USP37: variants seen among roughly 807,000 people sequenced by gnomAD.
The protein encoded by USP37 is ubiquitin specific peptidase 37, also known as ubiquitin carboxyl-terminal hydrolase 37.
Under a neutral mutation model 124.0 loss-of-function variants are expected in USP37, and 27 were observed. The ratio of observed to expected loss-of-function variants is 0.22; its 90% CI spans 0.16 to 0.30. The LOEUF is 0.30. Among genes scored for constraint, USP37 ranks in the 10% least tolerant of loss-of-function variants. USP37 has a pLI of 1.00. For synonymous variants in USP37, 365 were observed against 388.0 expected (o/e 0.94, Z 0.70); for missense variants, 889 against 1,140.4 (o/e 0.78, Z 3.17).
Position 218,454,717 on chromosome 2 carries a change from A to G in USP37, c.*213T>C. The G allele has an allele frequency of 1.1e-6, 1 of 910,912 alleles. No homozygotes were observed. Among genetic ancestry groups the G allele is most frequent in the South Asian group, 2.1e-5 (1 of 48,706 alleles). 56.4% of individuals were successfully genotyped at this position (910,912 alleles called of 1,614,324 possible). ...AAGAAGTGCCACTCATAGGAGAAAA[A>G]GAGGATAATCAGCTACGGATGTGAG... On this transcript the variant is annotated 3_prime_UTR_variant, in exon 26 of 26. Coordinates refer to ENST00000258399, the MANE Select transcript of USP37 (RefSeq NM_020935.3).
At chr2:218,460,091 CAAAAA>C (rs55945023) in intron 22 of USP37, among the ~76,000 whole-genome samples, 186 bp from the exon 23 acceptor site, 5 of 118,064 alleles carry the variant, frequency 4.2e-5, no homozygotes, top group South Asian at 2.8e-4. Context: ...ACTAAAAATA[CAAAAA>C]AAAAAAAAAA....
At position 218,560,841 on chromosome 2, in the gene USP37, G is replaced by A. The variant is rs904572433; in HGVS notation, c.-46C>T. On this transcript the variant is annotated 5_prime_UTR_variant, in exon 3 of 26. Transcript: ENST00000258399. ...TCACCTACAGGCAGGATACAGTTTG[G>A]GGGCCCCTAGTTGGAGGTCTCTGGT... 6 of 152,102 alleles carry A rather than the reference G, an allele frequency of 3.9e-5. No individual in the cohort carries two copies. Among genetic ancestry groups the A allele is most frequent in the Non-Finnish European group, 5.9e-5 (4 of 68,026 alleles). 9.4% of individuals were successfully genotyped at this position (152,102 alleles called of 1,614,324 possible).
chr2:218,512,439 CAG>C (rs1190726871), intron 10 of USP37, among the ~76,000 whole-genome samples: 1 of 152,040 alleles, frequency 6.6e-6, no homozygotes, highest in Admixed American at 6.6e-5. Flanking sequence ...ACTTGGGAGA[CAG>C]AGGTTGCAGT....
chr2:218,476,393 G>GTAACACAT (rs1319035841), intron 19 of USP37, among the ~76,000 whole-genome samples: 4 of 148,580 alleles, frequency 2.7e-5, no homozygotes, highest in Non-Finnish European at 6.1e-5. Context: ...AGGTCACACA[G>GTAACACAT]TAAGACCTTG....
At position 218,537,761 on chromosome 2, in the gene USP37, C is replaced by T. The variant is rs150102164; in HGVS notation, c.681-3055G>A. 2.6e-4 allele frequency among the ~76,000 whole-genome samples: 40 copies of T among 152,198 alleles called. 2 individuals carry two copies. In the East Asian group the frequency reaches 7.7e-3, roughly 29 times the overall value. ...TTGAGCCAATTACCAACTTAAAGGACAAAGACAATGTGTAGAGTCACCCAC... is the reference window on the plus strand; with the variant it reads ...TTGAGCCAATTACCAACTTAAAGGATAAAGACAATGTGTAGAGTCACCCAC... On this transcript the variant is annotated intron_variant, in intron 8 of 25. Transcript: ENST00000258399.
chr2:218,461,618 C>CTA (rs1385632958), intron 22 of USP37, among the ~76,000 whole-genome samples: 2 of 152,072 alleles, frequency 1.3e-5, no homozygotes, highest in African/African-American at 4.8e-5. Context: ...CTCAGCAGAC[C>CTA]TAAGAAAGCC....
chr2:218,559,261 T>C (rs1693188620), intron 3 of USP37, among the ~76,000 whole-genome samples: 1 of 152,184 alleles, frequency 6.6e-6, no homozygotes, highest in East Asian at 1.9e-4. Flanking sequence ...CAGTGAGCCA[T>C]GACTACCCAC....
At chr2:218,493,246 G>A (rs1688889721) in intron 14 of USP37, among the ~76,000 whole-genome samples, 2 of 152,164 alleles carry the variant, frequency 1.3e-5, no homozygotes. Context: ...CTTTGTGTTA[G>A]AGAACTGTCC....
intron 8 of USP37, among the ~76,000 whole-genome samples, chr2:218,544,857 G>T (rs1692235381): frequency 6.6e-6 from 1 of 152,194 alleles, no homozygotes; most frequent in African/African-American, 2.4e-5. Context: ...CTCCAGCAAT[G>T]TATAATGATG....
At chr2:218,517,064 A>G in intron 10 of USP37, among the ~76,000 whole-genome samples, 1 of 152,136 alleles carries the variant, frequency 6.6e-6, no homozygotes, top group East Asian at 1.9e-4. Context: ...CTAACCCTAC[A>G]CCCCTGTGAG....
chr2:218,505,128 C>A (rs590771), intron 11 of USP37, among the ~76,000 whole-genome samples: 1 of 151,876 alleles, frequency 6.6e-6, no homozygotes, highest in Non-Finnish European at 1.5e-5. Context: ...AATCCTCCCA[C>A]CTCAGCCTCC....
intron 9 of USP37, among the ~76,000 whole-genome samples, chr2:218,533,243 T>C (rs1044800651): frequency 6.6e-6 from 1 of 152,186 alleles, no homozygotes; most frequent in African/African-American, 2.4e-5. Context: ...AAAACTTTTT[T>C]TTTTCTGATT....
chr2:218,482,208 T>C lies in USP37; in HGVS notation c.1697A>G (p.Tyr566Cys). The C allele has an allele frequency of 6.2e-7, 1 of 1,613,104 alleles. No individual in the cohort carries two copies. The highest frequency in any genetic ancestry group is 8.5e-7 in the Non-Finnish European group (1 of 1,179,416). Residue 566 changes from tyrosine to cysteine, a missense_variant, in exon 17 of 26, where the codon TAT becomes TGT. By Grantham distance (194) the Tyr-to-Cys change is radical. Transcript: ENST00000258399. The stretch of plus-strand genomic sequence containing the variant: ...AAGCGAGAGAGCCACATTGAAGCTA[T>C]ATCGTTTCAAATGGAGAATGAGGAC... ...PRVLILHLKR[Y>C]SFNVALSLNN...
chr2:218,491,889 T>C (rs775633800), intron 14 of USP37, among the ~76,000 whole-genome samples: 3 of 151,932 alleles, frequency 2.0e-5, no homozygotes, highest in African/African-American at 4.8e-5. Context: ...TCTGGAAAAG[T>C]GAGGGCACTA....
intron 11 of USP37, 84 bp downstream of exon 11, chr2:218,509,895 C>A (rs918030286): frequency 4.7e-6 from 6 of 1,265,494 alleles, no homozygotes; most frequent in Non-Finnish European, 6.3e-6. Context: ...TTTAATGTGA[C>A]TCCTTTAATT....
In USP37 at chr2:218,497,847, G is replaced by A. The variant is rs770457846; in HGVS notation, c.1168C>T (p.His390Tyr). 2 of 1,613,658 alleles carry A rather than the reference G, an allele frequency of 1.2e-6. No individual in the cohort carries two copies. Among genetic ancestry groups the A allele is most frequent in the East Asian group, 2.2e-5 (1 of 44,862 alleles). Residue 390 changes from histidine to tyrosine, a missense_variant, in exon 13 of 26, where the codon CAC becomes TAC. Transcript: ENST00000258399. ...PLNALIRRFA[H>Y]LLVKKDICNS... ...CAGATATCTTTTTTAACAAGCAAGT[G>A]TGCAAAGCGTCTAGTAAAACAAAAA...
chr2:218,474,912 A>C, intron 19 of USP37, 27 bp from the exon 20 acceptor site: 5 of 1,587,596 alleles, frequency 3.1e-6, no homozygotes, highest in South Asian at 1.2e-5. Flanking sequence ...CTTTTAGAAG[A>C]AACCAGAATA....
chr2:218,497,996 TACTC>T (rs1298760115), intron 12 of USP37, 26 bp downstream of exon 12: 1 of 1,573,274 alleles, frequency 6.4e-7, no homozygotes, highest in Non-Finnish European at 8.6e-7. Flanking sequence ...AGTAAAAGGT[TACTC>T]AGTAAGTACA....
intron 3 of USP37, among the ~76,000 whole-genome samples, chr2:218,559,232 G>A (rs1383019803): frequency 6.6e-6 from 1 of 152,082 alleles, no homozygotes; most frequent in African/African-American, 2.4e-5. Context: ...GATCACTTGA[G>A]CACAGGAGGT....
Sources: gnomAD v4.1 joint callset for allele counts (sites outside exome capture counted in the v4.1 genomes callset) on GRCh38, gnomAD v4.1.1 for gene constraint, MANE v1.5 for transcripts, NCBI Gene and HGNC (gene_info 2026-07-23, HGNC 2026-07-21) for gene names.